SNW1: variants seen among roughly 807,000 people sequenced by gnomAD.
The protein encoded by SNW1 is SNW domain containing 1, also known as SNW domain-containing protein 1.
In SNW1, 9 loss-of-function variants were observed where a neutral mutation model predicts 75.6. The observed-to-expected ratio is 0.12, with a 90% CI of 0.07 to 0.21. The LOEUF (loss-of-function observed/expected upper bound fraction) is 0.21, where lower values mean the gene tolerates loss of function less well. Ranked by LOEUF, SNW1 falls within the 10% of genes least tolerant of loss-of-function variation. The probability of loss-of-function intolerance (pLI) is 1.00; values close to 1 mark genes in which losing one functional copy is unlikely to be tolerated. For missense variants in SNW1, 409 were observed against 670.9 expected (o/e 0.61, Z 4.31); for synonymous variants, 200 against 219.1 (o/e 0.91, Z 0.77).
intron 6 of SNW1, among the ~76,000 whole-genome samples, chr14:77,736,671 CCTGT>C (rs2080675400): frequency 6.6e-6 from 1 of 152,194 alleles, no homozygotes; most frequent in Admixed American, 6.5e-5. Flanking sequence ...CAAATATGCA[CCTGT>C]GAAATCATCA....
chr14:77,748,424 A>T (rs1052825868), intron 3 of SNW1, among the ~76,000 whole-genome samples: 4 of 151,716 alleles, frequency 2.6e-5, no homozygotes, highest in Non-Finnish European at 5.9e-5. Context: ...AAAATAAATA[A>T]ATAAATAAAT....
intron 3 of SNW1, among the ~76,000 whole-genome samples, chr14:77,739,863 G>A (rs1274669993): frequency 2.6e-5 from 4 of 151,872 alleles, no homozygotes; most frequent in Admixed American, 6.6e-5. Flanking sequence ...GGCCGGGCGC[G>A]GTGGCTCACG....
intron 12 of SNW1, among the ~76,000 whole-genome samples, chr14:77,719,320 T>C (rs2080518478): frequency 6.6e-6 from 1 of 152,160 alleles, no homozygotes; most frequent in Non-Finnish European, 1.5e-5. Flanking sequence ...AGCTGGTAAG[T>C]TGCCATTGTA....
intron 10 of SNW1, among the ~76,000 whole-genome samples, chr14:77,725,635 T>C (rs1424997760): frequency 2.0e-5 from 3 of 152,312 alleles, no homozygotes; most frequent in African/African-American, 7.2e-5. Context: ...AATCCACGCA[T>C]TGGCTGGGCA....
intron 3 of SNW1, among the ~76,000 whole-genome samples, chr14:77,741,137 A>G (rs535839141): frequency 6.6e-6 from 1 of 151,696 alleles, no homozygotes; most frequent in East Asian, 1.9e-4. Context: ...TGTGCTTTAT[A>G]ATAATGACTG....
rs770442931 is a variant in SNW1 at position 77,738,912 on chromosome 14, T to C, written c.427-28A>G. 17 of 1,610,308 alleles carry C rather than the reference T, an allele frequency of 1.1e-5. No individual in the cohort carries two copies. The East Asian group carries it at 2.0e-4, about 19-fold the overall frequency. On this transcript the variant is annotated intron_variant, in intron 4 of 13. Transcript: ENST00000261531. ...GAAATAGGAAATATCACATTGAGAGTTTGGAAGTTAATCAGGATGTAAATA... is the reference window on the plus strand; with the variant it reads ...GAAATAGGAAATATCACATTGAGAGCTTGGAAGTTAATCAGGATGTAAATA...
chr14:77,740,135 T>TAAAAAAAAA (rs1170373918), intron 3 of SNW1, among the ~76,000 whole-genome samples: 1 of 65,182 alleles, frequency 1.5e-5, no homozygotes, highest in Non-Finnish European at 2.9e-5. Flanking sequence ...CACTGTATAT[T>TAAAAAAAAA]AAAAAAAAAA....
At chr14:77,745,894 T>G (rs1322116739) in intron 3 of SNW1, among the ~76,000 whole-genome samples, 1 of 151,808 alleles carries the variant, frequency 6.6e-6, no homozygotes, top group African/African-American at 2.4e-5. Context: ...CATGGTGGTG[T>G]GCACCTGTAG....
intron 7 of SNW1, 34 bp from the exon 8 acceptor site, chr14:77,735,046 A>G (rs757275586): frequency 6.9e-7 from 1 of 1,459,368 alleles, no homozygotes; most frequent in South Asian, 1.1e-5. Context: ...ACAAGTTTAG[A>G]TTTATAGTCT....
intron 2 of SNW1, among the ~76,000 whole-genome samples, chr14:77,752,297 A>C (rs2080815205): frequency 6.6e-6 from 1 of 152,226 alleles, no homozygotes; most frequent in East Asian, 1.9e-4. Flanking sequence ...CATTTCTACT[A>C]GTGATTATAC....
chr14:77,747,736 CGTCT>C (rs371066888), intron 3 of SNW1, among the ~76,000 whole-genome samples: 5,458 of 147,474 alleles, frequency 0.037, 146 homozygotes, highest in Non-Finnish European at 0.053. Flanking sequence ...GCAGCCGCCC[CGTCT>C]GGGAGGGAGG....
intron 3 of SNW1, among the ~76,000 whole-genome samples, chr14:77,743,381 G>C (rs1400268764): frequency 6.6e-6 from 1 of 152,108 alleles, no homozygotes; most frequent in Non-Finnish European, 1.5e-5. Flanking sequence ...AATTGCCTTA[G>C]ACTTGTCCTA....
chr14:77,735,104 T>A, intron 7 of SNW1, 92 bp from the exon 8 acceptor site: 1 of 833,750 alleles, frequency 1.2e-6, no homozygotes, highest in African/African-American at 1.7e-5. Flanking sequence ...CAGCTCCATA[T>A]ACACTGACAT....
At chr14:77,718,646 G>A in intron 12 of SNW1, 116 bp from the exon 13 acceptor site, 1 of 608,368 alleles carries the variant, frequency 1.6e-6, no homozygotes, top group East Asian at 2.8e-5. Context: ...TCAACAATCT[G>A]AACTGCAAAT....
At position 77,720,826 on chromosome 14, in the gene SNW1, G is replaced by A. The variant is rs1016050545; in HGVS notation, c.1133C>T (p.Ser378Leu). 5 of 1,603,348 alleles carry A rather than the reference G, an allele frequency of 3.1e-6. No individual in the cohort carries two copies. The Admixed American group carries it at 5.0e-5, about 16-fold the overall frequency. The change falls in exon 12 of 14, where the codon TCG becomes TTG. Residue 378 changes from serine to leucine, a missense_variant and splice_region_variant. Physicochemically the swap from Ser to Leu is moderately radical, Grantham distance 145 (BLOSUM62 -2). Transcript: ENST00000261531. ...NLSRAAPDKR[S>L]KLQRNENRDI... is the part of the protein sequence containing the mutation. ...CCGATTTTCATTTCTCTGAAGTTTC[G>A]ACCTATTTTGAAATACGACATCACT...
intron 10 of SNW1, among the ~76,000 whole-genome samples, chr14:77,727,514 G>T (rs1029309021): frequency 2.0e-5 from 3 of 152,176 alleles, no homozygotes; most frequent in African/African-American, 7.2e-5. Flanking sequence ...CAGTATGTCA[G>T]CTGTGGGTTT....
At chr14:77,723,544 C>T (rs545922149) in intron 10 of SNW1, among the ~76,000 whole-genome samples, 1 of 151,684 alleles carries the variant, frequency 6.6e-6, no homozygotes, top group South Asian at 2.1e-4. Context: ...AAGATGGGGT[C>T]CCACTTATGT....
intron 10 of SNW1, among the ~76,000 whole-genome samples, chr14:77,728,763 T>G (rs1275911967): frequency 6.6e-6 from 1 of 152,158 alleles, no homozygotes; most frequent in East Asian, 1.9e-4. Context: ...CTTAGTTTCC[T>G]CCTCTGTAAA....
In SNW1 at chr14:77,718,121, G is replaced by A. The variant is rs753036600; in HGVS notation, c.1578C>T (p.His526=). Reference sequence around the variant, plus strand: ...TCCTCCTCTTCTTGCCTTCATGCTCGTGTTCCTTGGGGCGGCTGCTATCTG... The same window carrying A: ...TCCTCCTCTTCTTGCCTTCATGCTCATGTTCCTTGGGGCGGCTGCTATCTG... The part of the protein sequence containing the change: ...RPSDSSRPKE[H]EHEGKKRRKE The change falls in exon 14 of 14, where the codon CAC becomes CAT. Residue 526 remains histidine (H), a synonymous_variant. Coordinates refer to ENST00000261531, the MANE Select transcript of SNW1 (RefSeq NM_012245.3). 1.9e-5 allele frequency: 31 copies of A among 1,602,880 alleles called. No individual in the cohort carries two copies. Among genetic ancestry groups the A allele is most frequent in the East Asian group, 1.1e-4 (5 of 44,786 alleles).
Sources: gnomAD v4.1 joint callset for allele counts (sites outside exome capture counted in the v4.1 genomes callset) on GRCh38, gnomAD v4.1.1 for gene constraint, MANE v1.5 for transcripts, NCBI Gene and HGNC (gene_info 2026-07-23, HGNC 2026-07-21) for gene names.